TET2: variants seen among roughly 807,000 people sequenced by gnomAD.
The protein encoded by TET2 is tet methylcytosine dioxygenase 2, also known as methylcytosine dioxygenase TET2.
Under a neutral mutation model 142.9 loss-of-function variants are expected in TET2, and 299 were observed. The observed-to-expected ratio is 2.09, with a 90% CI of 1.90 to 2.30. The LOEUF is 2.30. Among genes scored for constraint, TET2 ranks in the 30% most tolerant of loss-of-function variants. The pLI is 0.00. For synonymous variants in TET2, 819 were observed against 849.0 expected, an observed-to-expected ratio of 0.96 and a Z score of 0.61; for missense variants, 2,418 against 2,378.0, an observed-to-expected ratio of 1.02 and a Z score of -0.35.
At chr4:105,186,417 AATGTAT>A (rs1276514642) in intron 1 of TET2, among the ~76,000 whole-genome samples, 2 of 151,362 alleles carry the variant, frequency 1.3e-5, no homozygotes, top group Non-Finnish European at 1.5e-5. Context: ...TATAACTCTC[AATGTAT>A]CATGGCAGAA....
At chr4:105,220,748 T>TA (rs1434972134) in intron 2 of TET2, among the ~76,000 whole-genome samples, 4 of 152,196 alleles carry the variant, frequency 2.6e-5, no homozygotes, top group Non-Finnish European at 5.9e-5. Flanking sequence ...GAGCGTTCTT[T>TA]AGAGAGGCCT....
intron 1 of TET2, among the ~76,000 whole-genome samples, chr4:105,189,585 CTG>C (rs1049266332): frequency 6.6e-6 from 1 of 152,182 alleles, no homozygotes; most frequent in African/African-American, 2.4e-5. Context: ...CCTTGGAACT[CTG>C]TGGACTTCTC....
intron 9 of TET2, among the ~76,000 whole-genome samples, chr4:105,271,782 G>A (rs1411719428): frequency 6.6e-6 from 1 of 152,302 alleles, no homozygotes; most frequent in East Asian, 1.9e-4. Context: ...CAAAGCTAGT[G>A]TAATTGTAGT....
At chr4:105,263,072 C>T (rs2454205) in intron 8 of TET2, among the ~76,000 whole-genome samples, 64,178 of 150,464 alleles carry the variant, frequency 0.43, 14,340 homozygotes, top group Non-Finnish European at 0.52. Context: ...TTAGTGGAGA[C>T]AGAGACATAT....
chr4:105,250,366 C>T (rs998368706), intron 6 of TET2, among the ~76,000 whole-genome samples: 6 of 136,524 alleles, frequency 4.4e-5, no homozygotes, highest in East Asian at 2.0e-4. Flanking sequence ...TCAGCTTCTC[C>T]GTTTCCTTTC....
chr4:105,199,702 C>T (rs1033445592), intron 2 of TET2, among the ~76,000 whole-genome samples: 2 of 152,182 alleles, frequency 1.3e-5, no homozygotes, highest in African/African-American at 2.4e-5. Context: ...CCACCCTCCA[C>T]CCTCTGATAG....
chr4:105,279,048 C>G lies in TET2; in HGVS notation c.*2529C>G, dbSNP rs566302812. 114 of 232,754 alleles carry G rather than the reference C, an allele frequency of 4.9e-4. 1 individual carries two copies. In the South Asian group the frequency reaches 0.019, roughly 38 times the overall value. 14.4% of individuals were successfully genotyped at this position (232,754 alleles called of 1,614,324 possible). On this transcript the variant is annotated 3_prime_UTR_variant, in exon 11 of 11. Coordinates refer to ENST00000380013, the MANE Select transcript of TET2 (RefSeq NM_001127208.3). Reference sequence around the variant, plus strand: ...CAAATCTTTGTAAGCTGGCTTTTGTCTTTTTAAAAAATTTCTTGAATTTGT... The same window carrying G: ...CAAATCTTTGTAAGCTGGCTTTTGTGTTTTTAAAAAATTTCTTGAATTTGT...
At chr4:105,247,902 A>C (rs1002725244) in intron 6 of TET2, among the ~76,000 whole-genome samples, 1 of 151,166 alleles carries the variant, frequency 6.6e-6, no homozygotes, top group Non-Finnish European at 1.5e-5. Flanking sequence ...TTGTACTTTT[A>C]GTAGAGACGG....
chr4:105,274,414 T>G (rs1213972057), intron 10 of TET2, among the ~76,000 whole-genome samples: 1 of 152,236 alleles, frequency 6.6e-6, no homozygotes, highest in Non-Finnish European at 1.5e-5. Context: ...TTATATAAGA[T>G]GCTTTTTGTG....
intron 8 of TET2, among the ~76,000 whole-genome samples, chr4:105,269,117 T>C (rs544012416): frequency 8.5e-5 from 13 of 152,324 alleles, no homozygotes; most frequent in South Asian, 4.1e-4. Context: ...GATGATTCAA[T>C]TGGGAAGGGA....
chr4:105,235,781 G>A lies in TET2; in HGVS notation c.1839G>A (p.Gly613=). 1 of 1,614,050 alleles carries A rather than the reference G, an allele frequency of 6.2e-7. No individual in the cohort carries two copies. The highest frequency in any genetic ancestry group is 8.5e-7 in the Non-Finnish European group (1 of 1,180,014). The part of the protein sequence containing the change: ...KQYTGNSNMP[G]GLPRQAYTQK... ...ACACTGGAAATTCCAACATGCCTGG[G>A]GGGCTCCCAAGGCAAGCTTACACCC... The change falls in exon 3 of 11, where the codon GGG becomes GGA. Residue 613 remains glycine, a synonymous_variant. Coordinates refer to ENST00000380013, the MANE Select transcript of TET2 (RefSeq NM_001127208.3).
At chr4:105,242,643 T>C (rs185660136) in intron 4 of TET2, 191 bp from the exon 5 acceptor site, 17 of 1,347,660 alleles carry the variant, frequency 1.3e-5, no homozygotes, top group Middle Eastern at 2.6e-4. Flanking sequence ...CATTTTGATA[T>C]TGAGGAAAAA....
chr4:105,214,863 G>A (rs1727400905), intron 2 of TET2, among the ~76,000 whole-genome samples: 1 of 152,092 alleles, frequency 6.6e-6, no homozygotes, highest in Non-Finnish European at 1.5e-5. Flanking sequence ...GCAAATATAA[G>A]TAAGTGTTTC....
rs1729381511 is a variant in TET2 at position 105,242,911 on chromosome 4, G to A, written c.3578G>A (p.Cys1193Tyr). ...AAAGAAGGCAAAAGTTCTCAGGGAT[G>A]TCCTATTGCTAAGTGGGTAAGTGTG... ...TGKEGKSSQG[C>Y]PIAKWVVRRS... The change falls in exon 5 of 11, where the codon TGT (cysteine) becomes TAT (tyrosine). Residue 1193 changes from cysteine (C) to tyrosine (Y), a missense_variant. Physicochemically the swap from Cys to Tyr is radical, Grantham distance 194. Coordinates refer to ENST00000380013, the MANE Select transcript of TET2 (RefSeq NM_001127208.3). 5.2e-6 allele frequency: 8 copies of A among 1,551,360 alleles called. No homozygotes were observed. The highest frequency in any genetic ancestry group is 7.0e-6 in the Non-Finnish European group (8 of 1,146,794).
At chr4:105,194,531 T>G (rs1725968328) in intron 2 of TET2, among the ~76,000 whole-genome samples, 1 of 152,196 alleles carries the variant, frequency 6.6e-6, no homozygotes, top group South Asian at 2.1e-4. Context: ...TGGCTACTGA[T>G]TTCTCTTCAA....
At position 105,235,125 on chromosome 4, in the gene TET2, A is replaced by G. The variant is rs1578672309; in HGVS notation, c.1183A>G (p.Thr395Ala). 1 of 1,613,842 alleles carries G rather than the reference A, an allele frequency of 6.2e-7. No individual in the cohort carries two copies. Among genetic ancestry groups the G allele is most frequent in the Non-Finnish European group, 8.5e-7 (1 of 1,179,894 alleles). ...SVFTKDSFSA[T>A]TTPPPPSQLL... The stretch of plus-strand genomic sequence containing the variant: ...GTTCACTAAGGATTCCTTTTCTGCC[A>G]CTACCACACCACCACCACCATCACA... Residue 395 changes from threonine to alanine, a missense_variant, in exon 3 of 11, where the codon ACT becomes GCT. Transcript: ENST00000380013.
intron 4 of TET2, chr4:105,241,712 C>T: frequency 7.8e-7 from 1 of 1,280,832 alleles, no homozygotes; most frequent in East Asian, 3.0e-5. Flanking sequence ...CTGCCAGCCA[C>T]AAGGTACTGG....
intron 6 of TET2, among the ~76,000 whole-genome samples, chr4:105,248,348 T>C (rs958514318): frequency 1.3e-5 from 2 of 152,258 alleles, no homozygotes; most frequent in Non-Finnish European, 2.9e-5. Context: ...TTGCTATTTT[T>C]TCTATGCTGT....
At chr4:105,213,821 C>T (rs1034159894) in intron 2 of TET2, among the ~76,000 whole-genome samples, 1 of 152,122 alleles carries the variant, frequency 6.6e-6, no homozygotes, top group Non-Finnish European at 1.5e-5. Context: ...CCCATGGCAC[C>T]TAGTACAGTA....
Sources: gnomAD v4.1 joint callset for allele counts (sites outside exome capture counted in the v4.1 genomes callset) on GRCh38, gnomAD v4.1.1 for gene constraint, MANE v1.5 for transcripts, NCBI Gene and HGNC (gene_info 2026-07-23, HGNC 2026-07-21) for gene names.